The following KCND2 variants were observed in gnomAD, a reference collection of about 807,000 sequenced individuals.
The protein encoded by KCND2 is potassium voltage-gated channel subfamily D member 2, also known as A-type voltage-gated potassium channel KCND2.
In KCND2, 16 loss-of-function variants were observed where a neutral mutation model predicts 54.4. The ratio of observed to expected loss-of-function variants is 0.29; its 90% CI spans 0.20 to 0.45. The LOEUF (loss-of-function observed/expected upper bound fraction) is 0.45, where lower values mean the gene tolerates loss of function less well. Ranked by LOEUF, KCND2 falls within the 20% of genes least tolerant of loss-of-function variation. The pLI, the probability that KCND2 is intolerant of heterozygous loss-of-function variation, is 1.00. For missense variants in KCND2, 486 were observed against 824.2 expected (o/e 0.59, Z 5.02); for synonymous variants, 317 against 310.7 (o/e 1.02, Z -0.21).
At chr7:120,382,174 A>G (rs967413506) in intron 1 of KCND2, among the ~76,000 whole-genome samples, 6 of 151,968 alleles carry the variant, frequency 3.9e-5, no homozygotes, top group African/African-American at 1.4e-4. Flanking sequence ...AAGTTTTTAG[A>G]ATCTATTAGT....
At chr7:120,411,444 A>G (rs1202133924) in intron 1 of KCND2, among the ~76,000 whole-genome samples, 1 of 151,916 alleles carries the variant, frequency 6.6e-6, no homozygotes, top group Non-Finnish European at 1.5e-5. Context: ...CAATGATACA[A>G]AAGTTTAAAA....
chr7:120,548,813 C>T (rs868647454), intron 1 of KCND2, among the ~76,000 whole-genome samples: 26 of 151,964 alleles, frequency 1.7e-4, no homozygotes, highest in African/African-American at 5.6e-4. Flanking sequence ...TTATTGGTGG[C>T]GTATCCATGG....
At chr7:120,622,374 G>T (rs1204314366) in intron 1 of KCND2, among the ~76,000 whole-genome samples, 1 of 152,056 alleles carries the variant, frequency 6.6e-6, no homozygotes, top group Admixed American at 6.5e-5. Flanking sequence ...TGCTGTTTCA[G>T]AATAGATATG....
At chr7:120,555,907 A>G (rs535883612) in intron 1 of KCND2, among the ~76,000 whole-genome samples, 5 of 152,214 alleles carry the variant, frequency 3.3e-5, no homozygotes, top group Admixed American at 6.5e-5. Context: ...TTCAAATTAA[A>G]CAAAATGCAT....
intron 1 of KCND2, among the ~76,000 whole-genome samples, chr7:120,291,818 G>T (rs1422410876): frequency 6.6e-6 from 1 of 151,790 alleles, no homozygotes; most frequent in Non-Finnish European, 1.5e-5. Flanking sequence ...TTGTTTTCTT[G>T]AGTTGAAAAG....
chr7:120,734,147 C>T (rs1435983856), intron 2 of KCND2, among the ~76,000 whole-genome samples: 2 of 152,078 alleles, frequency 1.3e-5, no homozygotes, highest in Non-Finnish European at 2.9e-5. Flanking sequence ...GGTACAGAAA[C>T]AATTGTACTG....
chr7:120,677,230 C>CA (rs140384210), intron 1 of KCND2, among the ~76,000 whole-genome samples: 4,754 of 151,708 alleles, frequency 0.031, 213 homozygotes, highest in African/African-American at 0.1. Context: ...ACAGTGCTAC[C>CA]AAAAAAAATC....
chr7:120,289,720 T>G (rs1388011659), intron 1 of KCND2, among the ~76,000 whole-genome samples: 1 of 152,020 alleles, frequency 6.6e-6, no homozygotes, highest in Non-Finnish European at 1.5e-5. Context: ...AGGCCAGACA[T>G]AAACGTCAGC....
chr7:120,502,686 C>G (rs555275932), intron 1 of KCND2, among the ~76,000 whole-genome samples: 2 of 152,186 alleles, frequency 1.3e-5, no homozygotes, highest in South Asian at 2.1e-4. Flanking sequence ...GTCGGCTACT[C>G]TGCTAAACTC....
chr7:120,564,098 C>T (rs942135251), intron 1 of KCND2, among the ~76,000 whole-genome samples: 1 of 152,052 alleles, frequency 6.6e-6, no homozygotes, highest in South Asian at 2.1e-4. Context: ...TAACTTTCCA[C>T]AAGCCTTTGT....
chr7:120,553,664 A>T (rs1234811831), intron 1 of KCND2, among the ~76,000 whole-genome samples: 1 of 152,212 alleles, frequency 6.6e-6, no homozygotes, highest in Non-Finnish European at 1.5e-5. Context: ...ATGGAGAAAC[A>T]GCTTGCATCT....
At chr7:120,290,883 A>T (rs1799426494) in intron 1 of KCND2, among the ~76,000 whole-genome samples, 1 of 151,990 alleles carries the variant, frequency 6.6e-6, no homozygotes, top group Non-Finnish European at 1.5e-5. Flanking sequence ...TAGGTTGGGG[A>T]TAGAAGAAAA....
At chr7:120,666,857 CA>C (rs1562903325) in intron 1 of KCND2, among the ~76,000 whole-genome samples, 1 of 151,972 alleles carries the variant, frequency 6.6e-6, no homozygotes, top group African/African-American at 2.4e-5. Flanking sequence ...AAATAAAATA[CA>C]AACCTCTATA....
intron 1 of KCND2, among the ~76,000 whole-genome samples, chr7:120,653,380 C>T (rs1238574891): frequency 1.3e-5 from 2 of 151,920 alleles, no homozygotes; most frequent in Non-Finnish European, 2.9e-5. Flanking sequence ...AAAAGAACCC[C>T]CAGAGATAGT....
At chr7:120,738,951 A>G (rs1002291496) in intron 2 of KCND2, among the ~76,000 whole-genome samples, 1 of 152,090 alleles carries the variant, frequency 6.6e-6, no homozygotes, top group African/African-American at 2.4e-5. Flanking sequence ...AGTCGGGTCA[A>G]AGAAAAGCCA....
At chr7:120,430,284 T>G (rs1249618442) in intron 1 of KCND2, among the ~76,000 whole-genome samples, 1 of 152,046 alleles carries the variant, frequency 6.6e-6, no homozygotes, top group Non-Finnish European at 1.5e-5. Context: ...CTCTCCTTCT[T>G]CTTATAAGGA....
chr7:120,303,475 C>T (rs1037975840), intron 1 of KCND2, among the ~76,000 whole-genome samples: 3 of 152,116 alleles, frequency 2.0e-5, no homozygotes, highest in Non-Finnish European at 4.4e-5. Context: ...AGCATATATG[C>T]TTTCTCCTAA....
At chr7:120,671,309 G>A (rs559846903) in intron 1 of KCND2, among the ~76,000 whole-genome samples, 1 of 152,160 alleles carries the variant, frequency 6.6e-6, no homozygotes, top group South Asian at 2.1e-4. Flanking sequence ...TTGCCATACT[G>A]TGAGAATCTA....
chr7:120,343,064 A>G (rs2116368994), intron 1 of KCND2, among the ~76,000 whole-genome samples: 1 of 152,286 alleles, frequency 6.6e-6, no homozygotes, highest in East Asian at 1.9e-4. Flanking sequence ...GTATGTGGCC[A>G]TTCAAAAAGT....
Sources: allele counts gnomAD v4.1 joint callset (sites outside exome capture counted in the v4.1 genomes callset), GRCh38; gene constraint gnomAD v4.1.1; transcripts MANE v1.5; gene names NCBI Gene and HGNC (gene_info 2026-07-23, HGNC 2026-07-21).